DNAH11: variants seen among roughly 807,000 people sequenced by gnomAD.
DNAH11 encodes axonemal beta dynein heavy chain 11.
Under a neutral mutation model 526.0 loss-of-function variants are expected in DNAH11, and 442 were observed. The ratio of observed to expected loss-of-function variants is 0.84; its 90% confidence interval spans 0.78 to 0.91. The LOEUF (loss-of-function observed/expected upper bound fraction) is 0.91. Among genes scored for constraint, DNAH11 ranks in the 40% least tolerant of loss-of-function variants. The pLI is 0.00. For synonymous variants in DNAH11, 2,461 were observed against 1,935.9 expected, an observed-to-expected ratio of 1.27 and a Z score of -7.12; for missense variants, 6,989 against 5,448.7, an observed-to-expected ratio of 1.28 and a Z score of -8.90.
At chr7:21,798,303 C>T (rs1788808417) in intron 61 of DNAH11, among the ~76,000 whole-genome samples, 1 of 152,140 alleles carries the variant, frequency 6.6e-6, no homozygotes. Flanking sequence ...ACCCTGCTGG[C>T]CAAGCCGATC....
chr7:21,710,733 A>G (rs1458796806), intron 41 of DNAH11, 30 bp downstream of exon 41: 1 of 1,592,712 alleles, frequency 6.3e-7, no homozygotes, highest in South Asian at 1.2e-5. Context: ...TCAACCTTAA[A>G]TATAACATCC....
chr7:21,764,358 A>T (rs898838166), intron 54 of DNAH11, among the ~76,000 whole-genome samples: 3 of 152,220 alleles, frequency 2.0e-5, no homozygotes, highest in African/African-American at 7.2e-5. Context: ...AAAAAAAATC[A>T]CATCCTTTGA....
At chr7:21,687,569 C>G in intron 34 of DNAH11, 42 bp downstream of exon 34, 2 of 1,593,976 alleles carry the variant, frequency 1.3e-6, no homozygotes, top group Non-Finnish European at 1.7e-6. Flanking sequence ...AATAGAAAAA[C>G]ATGGAATAAT....
At position 21,591,192 on chromosome 7, in the gene DNAH11, G is replaced by C. The variant is rs1784665263; in HGVS notation, c.2282G>C (p.Gly761Ala). The C allele has an allele frequency of 1.3e-6, 2 of 1,544,546 alleles. No homozygotes were observed. Among genetic ancestry groups the C allele is most frequent in the African/African-American group, 1.4e-5 (1 of 72,062 alleles). ...KKRNTILKYI[G>A]NLDLLVQGYN... The stretch of plus-strand genomic sequence containing the variant: ...GGGGTTTTCTTTGCTCAGTACATTG[G>C]AAATCTTGACCTTCTTGTGCAAGGG... The change falls in exon 14 of 82, where the codon GGA (glycine) becomes GCA (alanine). Residue 761 changes from glycine (G) to alanine (A), a missense_variant. Transcript: ENST00000409508.
chr7:21,710,888 A>T (rs1023904106), intron 41 of DNAH11, among the ~76,000 whole-genome samples, 185 bp downstream of exon 41: 3 of 152,188 alleles, frequency 2.0e-5, no homozygotes, highest in Admixed American at 2.0e-4. Context: ...ATTTCAAGGA[A>T]TATGTTCTCT....
intron 25 of DNAH11, among the ~76,000 whole-genome samples, chr7:21,625,649 C>G (rs1439933046): frequency 6.6e-6 from 1 of 152,042 alleles, no homozygotes; most frequent in African/African-American, 2.4e-5. Flanking sequence ...AAAAACTTCC[C>G]TCTTAGAACT....
At chr7:21,563,618 G>A (rs1023751499) in intron 5 of DNAH11, among the ~76,000 whole-genome samples, 1 of 152,118 alleles carries the variant, frequency 6.6e-6, no homozygotes, top group African/African-American at 2.4e-5. Context: ...GTACATTCAT[G>A]ATGTTGTACA....
At chr7:21,873,091 C>CGT (rs1554291177) in intron 73 of DNAH11, among the ~76,000 whole-genome samples, 183 bp from the exon 74 acceptor site, 2 of 132,946 alleles carry the variant, frequency 1.5e-5, no homozygotes, top group African/African-American at 5.4e-5. Flanking sequence ...TCCCTTTTGG[C>CGT]TTTTTTTTTT....
At chr7:21,603,290 A>G (rs1785161505) in intron 18 of DNAH11, among the ~76,000 whole-genome samples, 1 of 152,096 alleles carries the variant, frequency 6.6e-6, no homozygotes, top group Non-Finnish European at 1.5e-5. Flanking sequence ...CCATACCACC[A>G]TTGGCTTATC....
At chr7:21,711,261 A>G (rs1784455290) in intron 41 of DNAH11, among the ~76,000 whole-genome samples, 1 of 152,190 alleles carries the variant, frequency 6.6e-6, no homozygotes, top group Non-Finnish European at 1.5e-5. Flanking sequence ...ACTCCAGAGA[A>G]GATTTAGTAA....
chr7:21,774,561 T>G (rs1787581426), intron 56 of DNAH11, among the ~76,000 whole-genome samples: 1 of 152,236 alleles, frequency 6.6e-6, no homozygotes, highest in Non-Finnish European at 1.5e-5. Flanking sequence ...ATGTTAATCA[T>G]GTGTGGGTCT....
intron 2 of DNAH11, among the ~76,000 whole-genome samples, chr7:21,558,042 A>G (rs1431782080): frequency 6.6e-6 from 1 of 152,232 alleles, no homozygotes; most frequent in East Asian, 1.9e-4. Context: ...TGTCAAACTA[A>G]ACTCTAAAAA....
chr7:21,876,551 T>C (rs1465875493), intron 74 of DNAH11, among the ~76,000 whole-genome samples: 1 of 152,238 alleles, frequency 6.6e-6, no homozygotes, highest in Non-Finnish European at 1.5e-5. Flanking sequence ...AACAGTGGCT[T>C]ATACAAGGTC....
At chr7:21,888,310 T>A (rs1176106755) in intron 76 of DNAH11, among the ~76,000 whole-genome samples, 1 of 152,118 alleles carries the variant, frequency 6.6e-6, no homozygotes, top group Non-Finnish European at 1.5e-5. Flanking sequence ...TGGAGCTTCT[T>A]GTCATTACCA....
intron 5 of DNAH11, among the ~76,000 whole-genome samples, chr7:21,561,716 C>T (rs58464461): frequency 0.11 from 16,288 of 152,104 alleles, 1,493 homozygotes; most frequent in East Asian, 0.29. Context: ...CCATCCTTGT[C>T]CTTCCACTCT....
chr7:21,658,942 C>T lies in DNAH11; in HGVS notation c.5239C>T (p.Gln1747Ter). Reference protein sequence around the residue: ...FPAQVALTSSQIWWTTDVGIA... With the variant: ...FPAQVALTSS ...AGCTCAGGTTGCACTAACCAGCTCACAAATATGGTGGACCACAGATGTAGG... is the reference window on the plus strand; with the variant it reads ...AGCTCAGGTTGCACTAACCAGCTCATAAATATGGTGGACCACAGATGTAGG... The change falls in exon 30 of 82, where the codon CAA becomes TAA. Residue 1747 changes from glutamine (Q) to a stop codon, truncating the protein, a stop_gained. Transcript: ENST00000409508. LOFTEE classifies it high-confidence loss of function. The T allele has an allele frequency of 6.2e-7, 1 of 1,610,950 alleles. No individual in the cohort carries two copies. Among genetic ancestry groups the T allele is most frequent in the Non-Finnish European group, 8.5e-7 (1 of 1,178,660 alleles).
chr7:21,825,577 T>C (rs1046529825), intron 65 of DNAH11, among the ~76,000 whole-genome samples: 2 of 152,020 alleles, frequency 1.3e-5, no homozygotes, highest in Non-Finnish European at 1.5e-5. Context: ...CATTTAATAC[T>C]ATTAGCCACC....
In DNAH11 at chr7:21,670,791, G is replaced by C. The variant is rs192319698; in HGVS notation, c.5329-10755G>C. On this transcript the variant is annotated intron_variant, in intron 30 of 81. Coordinates refer to ENST00000409508, the MANE Select transcript of DNAH11 (RefSeq NM_001277115.2). Reference sequence around the variant, plus strand: ...GACCATGCCATTCTGTTATTGTGGTGAATTTTCGAAAGTTACGCCAACTTT... The same window carrying C: ...GACCATGCCATTCTGTTATTGTGGTCAATTTTCGAAAGTTACGCCAACTTT... Among the ~76,000 whole-genome samples the C allele has an allele frequency of 1.8e-3, 274 of 152,148 alleles. 6 individuals carry two copies. The highest frequency in any genetic ancestry group is 0.017 in the Admixed American group (264 of 15,256).
intron 77 of DNAH11, among the ~76,000 whole-genome samples, chr7:21,893,852 G>A (rs190016677): frequency 7.9e-5 from 12 of 152,246 alleles, no homozygotes; most frequent in East Asian, 7.7e-4. Context: ...ATTTGCTTAC[G>A]CTTAAAAGGC....
Sources: allele counts gnomAD v4.1 joint callset (sites outside exome capture counted in the v4.1 genomes callset), GRCh38; gene constraint gnomAD v4.1.1; transcripts MANE v1.5; gene names NCBI Gene and HGNC (gene_info 2026-07-23, HGNC 2026-07-21).